PTPRD: variants seen among roughly 807,000 people sequenced by gnomAD.
PTPRD encodes receptor-type tyrosine-protein phosphatase delta.
Under a neutral mutation model 214.5 loss-of-function variants are expected in PTPRD, and 34 were observed. The observed-to-expected ratio is 0.16, with a 90% confidence interval of 0.12 to 0.21. The LOEUF is 0.21. Among genes scored for constraint, PTPRD ranks in the 10% least tolerant of loss-of-function variants. The probability of loss-of-function intolerance (pLI) is 1.00; values close to 1 mark genes in which losing one functional copy is unlikely to be tolerated. For synonymous variants in PTPRD, 1,128 were observed against 845.7 expected, an observed-to-expected ratio of 1.33 and a Z score of -5.79; for missense variants, 2,545 against 2,398.7, an observed-to-expected ratio of 1.06 and a Z score of -1.27.
At chr9:8,527,166 C>A (rs542802639) in intron 16 of PTPRD, among the ~76,000 whole-genome samples, 179 bp downstream of exon 16, 14 of 151,994 alleles carry the variant, frequency 9.2e-5, no homozygotes, top group Non-Finnish European at 2.1e-4. Flanking sequence ...TTTAATTTTT[C>A]TGCACAGTGT....
intron 2 of PTPRD, among the ~76,000 whole-genome samples, chr9:10,501,012 G>A (rs140263556): frequency 9.9e-5 from 15 of 152,120 alleles, no homozygotes; most frequent in Admixed American, 6.6e-4. Flanking sequence ...GAATACAGAT[G>A]TCTTTATCAT....
intron 11 of PTPRD, among the ~76,000 whole-genome samples, chr9:8,892,701 A>ATG (rs1555487975): frequency 7.8e-6 from 1 of 128,682 alleles, no homozygotes; most frequent in African/African-American, 2.9e-5. Flanking sequence ...ATATATATAT[A>ATG]TGTGTGCGTA....
At chr9:8,851,548 C>T (rs1012274856) in intron 11 of PTPRD, among the ~76,000 whole-genome samples, 17 of 152,154 alleles carry the variant, frequency 1.1e-4, no homozygotes, top group East Asian at 3.8e-4. Context: ...TCCAACAGAT[C>T]TTAATTTTTA....
chr9:10,579,307 C>T (rs554905071), intron 2 of PTPRD, among the ~76,000 whole-genome samples: 1 of 152,188 alleles, frequency 6.6e-6, no homozygotes, highest in South Asian at 2.1e-4. Context: ...GTCTATTGTT[C>T]CCATCTTTAT....
chr9:9,301,406 G>A (rs1234166908), intron 9 of PTPRD, among the ~76,000 whole-genome samples: 1 of 151,766 alleles, frequency 6.6e-6, no homozygotes, highest in Non-Finnish European at 1.5e-5. Context: ...TTCTAACAAC[G>A]ACCATCATAA....
chr9:8,393,251 G>T (rs1011718280), intron 36 of PTPRD, among the ~76,000 whole-genome samples: 1 of 152,084 alleles, frequency 6.6e-6, no homozygotes, highest in Non-Finnish European at 1.5e-5. Context: ...TCTAATCCAA[G>T]AGAAGTGTGT....
intron 11 of PTPRD, among the ~76,000 whole-genome samples, chr9:8,869,460 T>G (rs2098255762): frequency 6.6e-6 from 1 of 152,142 alleles, no homozygotes; most frequent in East Asian, 1.9e-4. Context: ...AATAATTTTG[T>G]AAGTGGCAAA....
At chr9:8,356,352 C>G (rs954004608) in intron 39 of PTPRD, among the ~76,000 whole-genome samples, 1 of 152,164 alleles carries the variant, frequency 6.6e-6, no homozygotes, top group Non-Finnish European at 1.5e-5. Context: ...GATAACAGAA[C>G]TATTTTTAAG....
At chr9:9,733,646 G>A (rs1017884962) in intron 7 of PTPRD, among the ~76,000 whole-genome samples, 2 of 152,096 alleles carry the variant, frequency 1.3e-5, no homozygotes, top group African/African-American at 4.8e-5. Context: ...ACTAAATAAT[G>A]GAGTACAAGA....
chr9:8,510,846 A>C (rs2097663515), intron 21 of PTPRD, among the ~76,000 whole-genome samples: 1 of 152,134 alleles, frequency 6.6e-6, no homozygotes, highest in Non-Finnish European at 1.5e-5. Flanking sequence ...TAAATTCCCA[A>C]CATATTGGTC....
At chr9:10,344,964 C>A (rs532476771) in intron 2 of PTPRD, among the ~76,000 whole-genome samples, 1 of 152,174 alleles carries the variant, frequency 6.6e-6, no homozygotes, top group African/African-American at 2.4e-5. Context: ...AATCTAAAAT[C>A]ATATAAATCT....
chr9:9,598,281 A>G (rs1209328788), intron 7 of PTPRD, among the ~76,000 whole-genome samples: 8 of 152,040 alleles, frequency 5.3e-5, no homozygotes. Flanking sequence ...ACCCCCTTGG[A>G]CAAGATGCCT....
intron 3 of PTPRD, among the ~76,000 whole-genome samples, chr9:10,259,589 GTGA>G (rs1181405045): frequency 2.0e-5 from 3 of 152,226 alleles, no homozygotes; most frequent in Admixed American, 2.0e-4. Context: ...AGTGTCAGTG[GTGA>G]TGATTTTTTT....
intron 3 of PTPRD, among the ~76,000 whole-genome samples, chr9:10,314,268 A>G (rs202033950): frequency 5.2e-5 from 5 of 95,306 alleles, no homozygotes; most frequent in African/African-American, 2.1e-4. Context: ...CAGGAGAAAA[A>G]GCCTCCAACC....
chr9:10,337,463 G>T (rs1181663714), intron 3 of PTPRD, among the ~76,000 whole-genome samples: 1 of 151,634 alleles, frequency 6.6e-6, no homozygotes, highest in Admixed American at 6.6e-5. Context: ...ACAAAACAGA[G>T]ATAGTATAGT....
chr9:9,828,071 T>C (rs2053570151), intron 5 of PTPRD, among the ~76,000 whole-genome samples: 1 of 152,108 alleles, frequency 6.6e-6, no homozygotes, highest in Admixed American at 6.6e-5. Context: ...GTAAACTAGC[T>C]CAACCCTTGT....
intron 2 of PTPRD, among the ~76,000 whole-genome samples, chr9:10,440,999 T>C (rs1301398781): frequency 5.3e-5 from 8 of 151,720 alleles, no homozygotes; most frequent in Admixed American, 2.0e-4. Context: ...TTCAAAGAAA[T>C]AGCAAAAATA....
At chr9:9,068,434 C>T (rs1438613740) in intron 10 of PTPRD, among the ~76,000 whole-genome samples, 2 of 152,020 alleles carry the variant, frequency 1.3e-5, no homozygotes, top group African/African-American at 2.4e-5. Flanking sequence ...CTTTGAGAAG[C>T]TATGCCATTT....
At chr9:9,726,584 T>A (rs1453254832) in intron 7 of PTPRD, among the ~76,000 whole-genome samples, 1 of 152,174 alleles carries the variant, frequency 6.6e-6, no homozygotes, top group East Asian at 1.9e-4. Context: ...GTGTAATATT[T>A]CATTTCAGGA....
Sources: gnomAD v4.1 joint callset for allele counts (sites outside exome capture counted in the v4.1 genomes callset) on GRCh38, gnomAD v4.1.1 for gene constraint, MANE v1.5 for transcripts, NCBI Gene and HGNC (gene_info 2026-07-23, HGNC 2026-07-21) for gene names.